The following LEF1 variants were observed in gnomAD, a reference collection of about 807,000 sequenced individuals.
LEF1 encodes lymphoid enhancer binding factor 1.
In LEF1, 14 loss-of-function variants were observed where a neutral mutation model predicts 51.2. The ratio of observed to expected loss-of-function variants is 0.27; its 90% confidence interval spans 0.18 to 0.43. The LOEUF (loss-of-function observed/expected upper bound fraction) is 0.43, where lower values mean the gene tolerates loss of function less well. Ranked by LOEUF, LEF1 falls within the 20% of genes least tolerant of loss-of-function variation. The probability of loss-of-function intolerance (pLI) is 1.00; values close to 1 mark genes in which losing one functional copy is unlikely to be tolerated. For missense variants in LEF1, 386 were observed against 512.0 expected (o/e 0.75, Z 2.37); for synonymous variants, 185 against 183.2 (o/e 1.01, Z -0.08).
chr4:108,143,093 T>C (rs548577844), intron 3 of LEF1, among the ~76,000 whole-genome samples: 10 of 152,328 alleles, frequency 6.6e-5, no homozygotes, highest in Admixed American at 6.5e-4. Context: ...AAAGCCATCT[T>C]TGTTTGAAAG....
intron 3 of LEF1, among the ~76,000 whole-genome samples, chr4:108,113,788 A>G (rs1288273976): frequency 6.6e-6 from 1 of 152,178 alleles, no homozygotes; most frequent in Admixed American, 6.5e-5. Context: ...ATGAAGCACT[A>G]TGTGGCTATT....
chr4:108,162,556 G>C (rs1745127067), intron 3 of LEF1, among the ~76,000 whole-genome samples: 1 of 152,024 alleles, frequency 6.6e-6, no homozygotes, highest in South Asian at 2.1e-4. Context: ...TTTTTCAGTT[G>C]GTAGAAACAC....
intron 9 of LEF1, among the ~76,000 whole-genome samples, chr4:108,068,359 T>C (rs1738224749): frequency 6.6e-6 from 1 of 152,210 alleles, no homozygotes; most frequent in South Asian, 2.1e-4. Flanking sequence ...ACGTAGATTT[T>C]GAAGTCAGAG....
intron 3 of LEF1, among the ~76,000 whole-genome samples, chr4:108,110,774 T>C (rs1741483789): frequency 6.6e-6 from 1 of 152,192 alleles, no homozygotes; most frequent in Non-Finnish European, 1.5e-5. Flanking sequence ...ACCTTACAGT[T>C]TTGTAGTAAG....
intron 3 of LEF1, among the ~76,000 whole-genome samples, chr4:108,099,022 G>A (rs1740574138): frequency 6.6e-6 from 1 of 152,186 alleles, no homozygotes; most frequent in Non-Finnish European, 1.5e-5. Flanking sequence ...AAGGTGGCTA[G>A]TCCAAGTTGA....
At chr4:108,131,294 C>G (rs1052227992) in intron 3 of LEF1, among the ~76,000 whole-genome samples, 1 of 151,432 alleles carries the variant, frequency 6.6e-6, no homozygotes, top group Admixed American at 6.6e-5. Context: ...TAAAAATTAG[C>G]TAGGCATTTA....
chr4:108,092,075 T>C (rs2110273562), intron 3 of LEF1, among the ~76,000 whole-genome samples: 1 of 152,354 alleles, frequency 6.6e-6, no homozygotes, highest in East Asian at 1.9e-4. Context: ...ATGTCTGACC[T>C]ATCCCTCCAG....
At position 108,160,893 on chromosome 4, in the gene LEF1, G is replaced by C. The variant is rs542611355; in HGVS notation, c.414+2675C>G. On this transcript the variant is annotated intron_variant, in intron 3 of 11. Transcript: ENST00000265165. ...GACTGTTTAGGGAAGGAGTGGTCAG[G>C]TCCCTCCCCCACCCCAGGTGTTTTT... 3.9e-5 allele frequency among the ~76,000 whole-genome samples: 6 copies of C among 152,270 alleles called. No homozygotes were observed. In the South Asian group the frequency reaches 6.2e-4, roughly 16 times the overall value.
In LEF1 at chr4:108,098,035, G is replaced by A. The variant is rs1249052016; in HGVS notation, c.415-8778C>T. On this transcript the variant is annotated intron_variant, in intron 3 of 11. Coordinates refer to ENST00000265165, the MANE Select transcript of LEF1 (RefSeq NM_016269.5). ...GCACTGTTTGGGGCGGGTTGGTTCA[G>A]GGGGGACAAATTCCAGAAAGATTTC... 2.0e-5 allele frequency among the ~76,000 whole-genome samples: 3 copies of A among 152,112 alleles called. No individual in the cohort carries two copies. The East Asian group carries it at 5.8e-4, about 29-fold the overall frequency.
chr4:108,067,994 G>A (rs1443734848), intron 9 of LEF1, among the ~76,000 whole-genome samples: 1 of 152,004 alleles, frequency 6.6e-6, no homozygotes, highest in Non-Finnish European at 1.5e-5. Flanking sequence ...CGGGCCGGGC[G>A]TGGTGGCTCA....
chr4:108,120,621 C>G (rs1005703035), intron 3 of LEF1, among the ~76,000 whole-genome samples: 2 of 152,196 alleles, frequency 1.3e-5, no homozygotes, highest in African/African-American at 4.8e-5. Flanking sequence ...ATCCATTAAT[C>G]TATCAAAGTC....
In LEF1 at chr4:108,048,587, C is replaced by T. The variant is rs922646737; in HGVS notation, c.*171G>A. 4 of 716,654 alleles carry T rather than the reference C, an allele frequency of 5.6e-6. No homozygotes were observed. Among genetic ancestry groups the T allele is most frequent in the Non-Finnish European group, 8.7e-6 (4 of 460,022 alleles). 44.4% of individuals were successfully genotyped at this position (716,654 alleles called of 1,614,324 possible). ...GGCAGTGATTGTCTTTATGGATCAGCGTCTCTAGCAGTGACCTCAGGGTAA... is the reference window on the plus strand; with the variant it reads ...GGCAGTGATTGTCTTTATGGATCAGTGTCTCTAGCAGTGACCTCAGGGTAA... On this transcript the variant is annotated 3_prime_UTR_variant, in exon 12 of 12. Coordinates refer to ENST00000265165, the MANE Select transcript of LEF1 (RefSeq NM_016269.5).
intron 3 of LEF1, among the ~76,000 whole-genome samples, chr4:108,132,464 C>T (rs1219729547): frequency 6.6e-6 from 1 of 152,020 alleles, no homozygotes; most frequent in Non-Finnish European, 1.5e-5. Context: ...TAACCTAGAT[C>T]TCAAAGTATA....
At chr4:108,054,365 C>A (rs1737191297) in intron 11 of LEF1, among the ~76,000 whole-genome samples, 1 of 152,242 alleles carries the variant, frequency 6.6e-6, no homozygotes, top group Admixed American at 6.5e-5. Context: ...GGATGGAGAA[C>A]TGGGGCTCAG....
intron 3 of LEF1, among the ~76,000 whole-genome samples, chr4:108,092,439 C>T (rs1224587874): frequency 6.6e-6 from 1 of 152,186 alleles, no homozygotes; most frequent in Non-Finnish European, 1.5e-5. Flanking sequence ...CCAACTTACA[C>T]TGCGGATATG....
rs1171995922 is a variant in LEF1, at chr4:108,057,855, CA to C, written c.*6+5767del. Reference sequence around the variant, plus strand: ...TTTTATTTAGCCAAATGTGTTTAAGCAGATGATTTTTTTTATCTTTTTTTTT... The same window carrying C: ...TTTTATTTAGCCAAATGTGTTTAAGCGATGATTTTTTTTATCTTTTTTTTT... On this transcript the variant is annotated intron_variant, in intron 11 of 11. Coordinates refer to ENST00000265165, the MANE Select transcript of LEF1 (RefSeq NM_016269.5). Among the ~76,000 whole-genome samples, 16 of 151,890 alleles carry C rather than the reference CA, an allele frequency of 1.1e-4. No homozygotes were observed. The East Asian group carries it at 3.1e-3, about 29-fold the overall frequency.
intron 3 of LEF1, among the ~76,000 whole-genome samples, chr4:108,125,888 C>CT (rs1466194410): frequency 1.3e-5 from 2 of 152,032 alleles, no homozygotes; most frequent in African/African-American, 2.4e-5. Context: ...ACTTAAAACT[C>CT]TAAGTTCGAA....
intron 3 of LEF1, among the ~76,000 whole-genome samples, chr4:108,134,330 C>T (rs1401533254): frequency 1.3e-5 from 2 of 152,230 alleles, no homozygotes; most frequent in African/African-American, 2.4e-5. Flanking sequence ...TACACTTCTC[C>T]CTTATCCACT....
Position 108,157,148 on chromosome 4 carries a change from T to TTC in LEF1, c.414+6418_414+6419dup, listed in dbSNP as rs141657105. Among the ~76,000 whole-genome samples, 917 of 117,810 alleles carry TTC rather than the reference T, an allele frequency of 7.8e-3. 12 individuals carry two copies. The highest frequency in any genetic ancestry group is 0.021 in the African/African-American group (642 of 30,782). The allele number at this position is 117,810 out of a possible 152,430, so 77.3% of individuals were successfully genotyped here. A position where few individuals can be genotyped will look rare whatever the true frequency, so the allele number is the denominator to read the frequency against. ...ACCCTAACTTATATCTACCTCTTCA[T>TTC]TCTCTCTCTCTCTCTCTCTCTATAT... On this transcript the variant is annotated intron_variant, in intron 3 of 11. Transcript: ENST00000265165.
Sources: allele counts gnomAD v4.1 joint callset (sites outside exome capture counted in the v4.1 genomes callset), GRCh38; gene constraint gnomAD v4.1.1; transcripts MANE v1.5; gene names NCBI Gene and HGNC (gene_info 2026-07-23, HGNC 2026-07-21).